The following TRIP12 variants were observed in gnomAD, a reference collection of about 807,000 sequenced individuals.
The protein encoded by TRIP12 is thyroid hormone receptor interactor 12, also known as E3 ubiquitin-protein ligase TRIP12.
A neutral mutation model predicts 244.2 loss-of-function variants in TRIP12; 25 were observed. That is an observed-to-expected ratio of 0.10 (90% CI 0.07 to 0.14). The LOEUF is 0.14. Among genes scored for constraint, TRIP12 ranks in the 10% least tolerant of loss-of-function variants. TRIP12 has a pLI of 1.00. For synonymous variants in TRIP12, 905 were observed against 873.1 expected (o/e 1.04, Z -0.64); for missense variants, 1,677 against 2,486.4 (o/e 0.67, Z 6.92).
intron 13 of TRIP12, among the ~76,000 whole-genome samples, chr2:229,813,595 C>T (rs750377799): frequency 3.3e-5 from 5 of 151,800 alleles, no homozygotes; most frequent in Non-Finnish European, 5.9e-5. Context: ...ACCAGCCTGG[C>T]CAACATAGCA....
At chr2:229,851,525 C>G (rs184236740) in intron 4 of TRIP12, among the ~76,000 whole-genome samples, 62 of 152,210 alleles carry the variant, frequency 4.1e-4, no homozygotes, top group Non-Finnish European at 7.6e-4. Context: ...GCAGGCTGCC[C>G]GAGCCAGCAG....
chr2:229,901,263 T>C (rs1009488124), intron 1 of TRIP12, among the ~76,000 whole-genome samples: 14 of 151,980 alleles, frequency 9.2e-5, no homozygotes, highest in African/African-American at 3.1e-4. Flanking sequence ...AATTCTATTT[T>C]GTTCACAAAA....
intron 6 of TRIP12, among the ~76,000 whole-genome samples, chr2:229,834,384 CCTTA>C (rs1249633436): frequency 3.3e-5 from 5 of 152,234 alleles, no homozygotes; most frequent in African/African-American, 1.2e-4. Flanking sequence ...ATAGTTCATT[CCTTA>C]CTTTAGTACC....
intron 34 of TRIP12, among the ~76,000 whole-genome samples, chr2:229,782,267 C>T (rs925143335): frequency 2.0e-5 from 3 of 151,954 alleles, no homozygotes; most frequent in African/African-American, 7.3e-5. Flanking sequence ...CCAGGGCCTC[C>T]ACTCCATCTG....
intron 5 of TRIP12, among the ~76,000 whole-genome samples, chr2:229,838,853 G>A (rs148477840): frequency 1.2e-4 from 18 of 152,272 alleles, no homozygotes; most frequent in Non-Finnish European, 2.2e-4. Flanking sequence ...GATTTAAGGT[G>A]GCAAAGCTAT....
chr2:229,883,247 C>T (rs1007489261), intron 1 of TRIP12, among the ~76,000 whole-genome samples: 3 of 152,184 alleles, frequency 2.0e-5, no homozygotes, highest in Admixed American at 1.3e-4. Flanking sequence ...TAGGTATCAC[C>T]ACCTCAACTT....
chr2:229,765,988 G>A lies in TRIP12; in HGVS notation c.*1566C>T, dbSNP rs1028386366. ...GGCCATTTAAGTGTAAATTGACACA[G>A]CAATCTATGTCAAACAAGCCACTGA... On this transcript the variant is annotated 3_prime_UTR_variant, in exon 42 of 42. Coordinates refer to ENST00000675903, the MANE Select transcript of TRIP12 (RefSeq NM_001348323.3). The A allele has an allele frequency of 5.3e-5, 8 of 152,096 alleles. No homozygotes were observed. Among genetic ancestry groups the A allele is most frequent in the African/African-American group, 1.9e-4 (8 of 41,406 alleles). 9.4% of individuals were successfully genotyped at this position (152,096 alleles called of 1,614,324 possible). A position where few individuals can be genotyped will look rare whatever the true frequency, so the allele number is the denominator to read the frequency against.
rs370645293 is a variant in TRIP12 at position 229,796,726 on chromosome 2, A to G, written c.3681T>C (p.Asp1227=). ...VEIRSIVSES[D]VSSFEIQHSG... The stretch of plus-strand genomic sequence containing the variant: ...TATGTTGGATTTCAAATGATGAAAC[A>G]TCTGACTCTGAGACTATGCTACGGA... The change falls in exon 25 of 42, where the codon GAT becomes GAC. Residue 1227 remains aspartate (D), a synonymous_variant. Transcript: ENST00000675903. 2.5e-5 allele frequency: 40 copies of G among 1,610,174 alleles called. No homozygotes were observed. Among genetic ancestry groups the G allele is most frequent in the Non-Finnish European group, 3.1e-5 (36 of 1,179,084 alleles).
At chr2:229,909,337 C>G (rs999637897) in intron 1 of TRIP12, among the ~76,000 whole-genome samples, 1 of 151,506 alleles carries the variant, frequency 6.6e-6, no homozygotes, top group Non-Finnish European at 1.5e-5. Flanking sequence ...CTTGAGCCTA[C>G]GAGTTTGAGA....
intron 13 of TRIP12, 90 bp from the exon 14 acceptor site, chr2:229,811,294 ATTC>A: frequency 1.5e-6 from 2 of 1,330,234 alleles, no homozygotes; most frequent in East Asian, 2.5e-5. Flanking sequence ...CTAACCCCAG[ATTC>A]TTCAAGGCAA....
chr2:229,784,821 T>A lies in TRIP12; in HGVS notation c.5094+936A>T, dbSNP rs138991666. ...TGAACTCGCATATATACGTTACTGG[T>A]GGGAATGTAAAATGTGACAGCCACT... On this transcript the variant is annotated intron_variant, in intron 34 of 41. Transcript: ENST00000675903. Among the ~76,000 whole-genome samples, 449 of 152,322 alleles carry A rather than the reference T, an allele frequency of 2.9e-3. 2 individuals carry two copies. The highest frequency in any genetic ancestry group is 0.01 in the African/African-American group (429 of 41,580).
chr2:229,899,024 T>C (rs2069789213), intron 1 of TRIP12, among the ~76,000 whole-genome samples: 3 of 152,098 alleles, frequency 2.0e-5, no homozygotes, highest in African/African-American at 7.2e-5. Context: ...CAAGAAACAA[T>C]AAAATGGTAT....
intron 1 of TRIP12, among the ~76,000 whole-genome samples, chr2:229,886,655 C>G (rs1047833452): frequency 2.0e-5 from 3 of 152,048 alleles, no homozygotes; most frequent in African/African-American, 7.2e-5. Context: ...TTAGTACAGA[C>G]AGGGTTTCAC....
At chr2:229,905,139 T>C (rs1560270215) in intron 1 of TRIP12, among the ~76,000 whole-genome samples, 1 of 152,116 alleles carries the variant, frequency 6.6e-6, no homozygotes, top group Non-Finnish European at 1.5e-5. Flanking sequence ...CTGAGCGTGG[T>C]GGCACATGCC....
At chr2:229,783,090 CT>C (rs1247952311) in intron 34 of TRIP12, among the ~76,000 whole-genome samples, 2 of 152,240 alleles carry the variant, frequency 1.3e-5, no homozygotes, top group Non-Finnish European at 2.9e-5. Context: ...AGCTATACAA[CT>C]GGCGGGCCAA....
At chr2:229,788,693 A>G in intron 32 of TRIP12, 105 bp downstream of exon 32, 1 of 1,424,048 alleles carries the variant, frequency 7.0e-7, no homozygotes, top group South Asian at 1.4e-5. Context: ...CAGTATTAAT[A>G]AACATTTGAC....
intron 1 of TRIP12, among the ~76,000 whole-genome samples, chr2:229,882,876 A>G (rs2065167238): frequency 6.6e-6 from 1 of 152,192 alleles, no homozygotes; most frequent in South Asian, 2.1e-4. Flanking sequence ...TTATCAGCCA[A>G]CAGCCTATTT....
At chr2:229,884,364 G>A (rs1209653780) in intron 1 of TRIP12, among the ~76,000 whole-genome samples, 2 of 150,502 alleles carry the variant, frequency 1.3e-5, no homozygotes, top group Admixed American at 6.7e-5. Flanking sequence ...GGCCTCCAGA[G>A]TAGCTGGGAT....
intron 4 of TRIP12, among the ~76,000 whole-genome samples, chr2:229,848,915 T>G (rs1217847322): frequency 6.6e-6 from 1 of 152,172 alleles, no homozygotes; most frequent in Non-Finnish European, 1.5e-5. Flanking sequence ...ACATCTAAAT[T>G]TTGAAAAAAT....
Sources: allele counts gnomAD v4.1 joint callset (sites outside exome capture counted in the v4.1 genomes callset), GRCh38; gene constraint gnomAD v4.1.1; transcripts MANE v1.5; gene names NCBI Gene and HGNC (gene_info 2026-07-23, HGNC 2026-07-21).